ZNF469: variants seen among roughly 807,000 people sequenced by gnomAD.
ZNF469 encodes the protein zinc finger protein 469.
In ZNF469, 1 loss-of-function variant was observed where a neutral mutation model predicts 1.0. The ratio of observed to expected loss-of-function variants is 1.00; its 90% CI spans 0.35 to 4.73. ZNF469 has a LOEUF of 4.73. ZNF469 is among the 30% of genes most tolerant of loss of function. The pLI, the probability that ZNF469 is intolerant of heterozygous loss-of-function variation, is 0.16. For missense variants in ZNF469, 6,100 were observed against 5,356.3 expected, an observed-to-expected ratio of 1.14 and a Z score of -4.33; for synonymous variants, 2,703 against 2,363.4, an observed-to-expected ratio of 1.14 and a Z score of -4.17.
rs557351664 is a variant in ZNF469 at position 88,432,319 on chromosome 16, C to T, written c.4849C>T (p.Pro1617Ser). 164 of 1,547,724 alleles carry T rather than the reference C, an allele frequency of 1.1e-4. 4 individuals are homozygous for T. In the South Asian group the frequency reaches 1.4e-3, roughly 13 times the overall value. The change falls in exon 3 of 3, where the codon CCC becomes TCC. Residue 1617 changes from proline (P) to serine (S), a missense_variant. By Grantham distance (74) the Pro-to-Ser change is moderately conservative. Coordinates refer to ENST00000565624, the MANE Select transcript of ZNF469 (RefSeq NM_001367624.2). Reference protein sequence around the residue: ...SQRRTCQATVPHEDTFSAADL... With the variant: ...SQRRTCQATVSHEDTFSAADL... ...ACGGCGCACCTGCCAGGCCACCGTG[C>T]CCCACGAGGACACGTTCTCGGCAGC...
chr16:88,427,867 C>A lies in ZNF469; in HGVS notation c.397C>A (p.Leu133Met). ...GIASSRTKPT[L>M]DETPENPQLE... ...CGCCAGCTCGAGGACCAAGCCCACCCTGGACGAGACACCAGAGAACCCACA... is the reference window on the plus strand; with the variant it reads ...CGCCAGCTCGAGGACCAAGCCCACCATGGACGAGACACCAGAGAACCCACA... Residue 133 changes from leucine (L) to methionine (M), a missense_variant, in exon 3 of 3, where the codon CTG becomes ATG. Leu to Met is a conservative substitution (Grantham distance 15). Transcript: ENST00000565624. 2 of 1,549,668 alleles carry A rather than the reference C, an allele frequency of 1.3e-6. No homozygotes were observed. Among genetic ancestry groups the A allele is most frequent in the Non-Finnish European group, 1.7e-6 (2 of 1,146,810 alleles).
chr16:88,418,917 G>A (rs1342881075), intron 1 of ZNF469, among the ~76,000 whole-genome samples: 1 of 152,258 alleles, frequency 6.6e-6, no homozygotes, highest in Non-Finnish European at 1.5e-5. Flanking sequence ...AGCCCCGTAC[G>A]GCGAGGACTA....
At chr16:88,425,051 C>G (rs1227014930) in intron 2 of ZNF469, among the ~76,000 whole-genome samples, 180 bp downstream of exon 2, 2 of 152,194 alleles carry the variant, frequency 1.3e-5, no homozygotes, top group Non-Finnish European at 2.9e-5. Context: ...CTTCCAGCCA[C>G]AGCTCTGAGC....
the ZNF469 span, among the ~76,000 whole-genome samples, chr16:88,283,507 G>C: frequency 6.6e-6 from 1 of 152,216 alleles, no homozygotes; most frequent in Non-Finnish European, 1.5e-5. Context: ...TAGGCAGTGG[G>C]TCACTGGATG....
the ZNF469 span, among the ~76,000 whole-genome samples, chr16:88,340,796 G>A: frequency 6.6e-6 from 1 of 152,210 alleles, no homozygotes; most frequent in African/African-American, 2.4e-5. Context: ...GAGGGAGAGG[G>A]TGATGCACAG....
chr16:88,394,340 C>T (rs1174635961), intron 1 of ZNF469, among the ~76,000 whole-genome samples: 2 of 152,240 alleles, frequency 1.3e-5, no homozygotes, highest in African/African-American at 4.8e-5. Flanking sequence ...GAGCCACACT[C>T]AAGTTTCAGG....
At chr16:88,185,592 A>G in the ZNF469 span, among the ~76,000 whole-genome samples, 1 of 152,096 alleles carries the variant, frequency 6.6e-6, no homozygotes, top group Non-Finnish European at 1.5e-5. Flanking sequence ...ACACACATGC[A>G]TACACATGTG....
chr16:88,210,990 C>T, the ZNF469 span, among the ~76,000 whole-genome samples: 1 of 152,264 alleles, frequency 6.6e-6, no homozygotes, highest in South Asian at 2.1e-4. Flanking sequence ...GAATTAACTT[C>T]AGGAGAACCG....
At chr16:88,328,128 A>C in the ZNF469 span, among the ~76,000 whole-genome samples, 6 of 152,328 alleles carry the variant, frequency 3.9e-5, no homozygotes, top group Middle Eastern at 3.4e-3. Context: ...CGCAGGTCCC[A>C]GGGAAGGAGG....
the ZNF469 span, among the ~76,000 whole-genome samples, chr16:88,193,256 T>G: frequency 1.1e-4 from 15 of 141,636 alleles, no homozygotes; most frequent in South Asian, 2.4e-4. Flanking sequence ...GTGATGGTGG[T>G]GATGGTGGTA....
In ZNF469 at chr16:88,424,180, C is replaced by T. The variant is rs1172502937; in HGVS notation, c.-191-627C>T. Among the ~76,000 whole-genome samples, 1 of 152,226 alleles carries T rather than the reference C, an allele frequency of 6.6e-6. No individual in the cohort carries two copies. Among genetic ancestry groups the T allele is most frequent in the Non-Finnish European group, 1.5e-5 (1 of 68,038 alleles). On this transcript the variant is annotated intron_variant, in intron 1 of 2. Transcript: ENST00000565624. This position sits in a 1 kb window ranked among gnomAD's most constrained non-coding sequence, Gnocchi z 4.3. ...GTGTCCATCCAGACAGGTCTGGGTG[C>T]TCTGCAGCCTGGATGCGAGGACGAG...
At chr16:88,186,843 A>T in the ZNF469 span, among the ~76,000 whole-genome samples, 1 of 152,100 alleles carries the variant, frequency 6.6e-6, no homozygotes, top group Non-Finnish European at 1.5e-5. Flanking sequence ...CAGCCAAAGC[A>T]TTTGAGGAAG....
the ZNF469 span, among the ~76,000 whole-genome samples, chr16:88,107,315 C>T: frequency 2.0e-5 from 3 of 152,314 alleles, no homozygotes; most frequent in East Asian, 5.8e-4. Flanking sequence ...AGGAAACTGA[C>T]AATCATGGCG....
the ZNF469 span, among the ~76,000 whole-genome samples, chr16:88,119,607 C>T: frequency 2.6e-5 from 4 of 152,202 alleles, no homozygotes; most frequent in African/African-American, 9.7e-5. Flanking sequence ...ATGTGTTTTA[C>T]GCAGAGGATG....
At chr16:88,291,686 C>G in the ZNF469 span, among the ~76,000 whole-genome samples, 1 of 151,964 alleles carries the variant, frequency 6.6e-6, no homozygotes, top group African/African-American at 2.4e-5. Flanking sequence ...TTGAGGGAGC[C>G]CCGTGCGGAA....
the ZNF469 span, chr16:88,294,771 A>T: frequency 6.6e-6 from 1 of 152,320 alleles, no homozygotes; most frequent in African/African-American, 2.4e-5. Flanking sequence ...GGGTGAAGAA[A>T]TGAGTGAGGT....
At chr16:88,406,540 C>A (rs1905034299) in intron 1 of ZNF469, among the ~76,000 whole-genome samples, 1 of 152,190 alleles carries the variant, frequency 6.6e-6, no homozygotes, top group South Asian at 2.1e-4. Flanking sequence ...AGGACCCGTG[C>A]TTTGGTTCTT....
chr16:88,434,927 G>A lies in ZNF469; in HGVS notation c.7457G>A (p.Gly2486Asp). 2 of 1,550,098 alleles carry A rather than the reference G, an allele frequency of 1.3e-6. No homozygotes were observed. Among genetic ancestry groups the A allele is most frequent in the South Asian group, 1.2e-5 (1 of 84,062 alleles). The stretch of plus-strand genomic sequence containing the variant: ...GCAGCCTCCTTCCGCTCCGGGCCGG[G>A]CCTGAGCCGGCACAAGGCCAGGAAG... ...VCAASFRSGPGLSRHKARKHR... is the reference protein window; with the variant it reads ...VCAASFRSGPDLSRHKARKHR... Residue 2486 changes from glycine (G) to aspartate (D), a missense_variant, in exon 3 of 3, where the codon GGC becomes GAC. Physicochemically the swap from Gly to Asp is moderately conservative, Grantham distance 94. Transcript: ENST00000565624.
At chr16:88,332,403 G>A in the ZNF469 span, among the ~76,000 whole-genome samples, 184 of 152,340 alleles carry the variant, frequency 1.2e-3, no homozygotes, top group Middle Eastern at 3.4e-3. Flanking sequence ...GTCACCGCGT[G>A]CCCTGCCCCC....
Sources: gnomAD v4.1 joint callset for allele counts (sites outside exome capture counted in the v4.1 genomes callset) on GRCh38, gnomAD v4.1.1 for gene constraint, Gnocchi (gnomAD v3.1) non-coding constraint, MANE v1.5 for transcripts, NCBI Gene and HGNC (gene_info 2026-07-23, HGNC 2026-07-21) for gene names.